The following SYT1 variants were observed in gnomAD, a reference collection of about 807,000 sequenced individuals.
SYT1 encodes the protein synaptotagmin 1.
In SYT1, 8 loss-of-function variants were observed where a neutral mutation model predicts 44.8. The ratio of observed to expected loss-of-function variants is 0.18; its 90% CI spans 0.10 to 0.32. The LOEUF (loss-of-function observed/expected upper bound fraction) is 0.32. SYT1 is among the 10% of genes least tolerant of loss of function. The pLI is 1.00. For synonymous variants in SYT1, 154 were observed against 188.8 expected (o/e 0.82, Z 1.51); for missense variants, 286 against 509.3 (o/e 0.56, Z 4.22).
intron 9 of SYT1, chr12:79,392,220 CA>C (rs1298322930): frequency 6.6e-6 from 1 of 151,940 alleles, no homozygotes; most frequent in African/African-American, 2.4e-5. Flanking sequence ...ATACTTTGGG[CA>C]ATTTGAAAGC....
intron 3 of SYT1, among the ~76,000 whole-genome samples, chr12:79,196,149 CTGT>C (rs58474358): frequency 0.31 from 37,235 of 118,516 alleles, 5,260 homozygotes; most frequent in East Asian, 0.6. Context: ...ATTTCTAATT[CTGT>C]TGTTGTTGTT....
intron 2 of SYT1, among the ~76,000 whole-genome samples, chr12:79,018,711 T>C (rs1214157441): frequency 6.6e-6 from 1 of 151,972 alleles, no homozygotes; most frequent in African/African-American, 2.4e-5. Context: ...GGAAGAAAAG[T>C]TGCTCCTTAT....
At chr12:79,385,387 G>T (rs1884397042) in intron 9 of SYT1, among the ~76,000 whole-genome samples, 1 of 152,166 alleles carries the variant, frequency 6.6e-6, no homozygotes, top group Non-Finnish European at 1.5e-5. Context: ...TACTGGAAAT[G>T]CATTCTTAGG....
chr12:79,341,881 G>A (rs558362533), intron 8 of SYT1, among the ~76,000 whole-genome samples: 8 of 151,836 alleles, frequency 5.3e-5, no homozygotes, highest in Non-Finnish European at 8.8e-5. Context: ...TGTTAGCCAG[G>A]ATGGTCTTGA....
intron 3 of SYT1, among the ~76,000 whole-genome samples, chr12:79,060,213 T>C (rs1032704362): frequency 1.3e-5 from 2 of 152,082 alleles, no homozygotes; most frequent in Non-Finnish European, 2.9e-5. Flanking sequence ...CTTACTTTTT[T>C]TCAGAAAAGT....
At chr12:78,883,028 A>G (rs1373134886) in intron 1 of SYT1, among the ~76,000 whole-genome samples, 2 of 151,734 alleles carry the variant, frequency 1.3e-5, no homozygotes, top group Non-Finnish European at 3.0e-5. Flanking sequence ...TTACTGAAAT[A>G]CAAGGTCATA....
intron 3 of SYT1, among the ~76,000 whole-genome samples, chr12:79,099,604 A>T (rs1319774492): frequency 6.6e-6 from 1 of 152,130 alleles, no homozygotes; most frequent in African/African-American, 2.4e-5. Context: ...ATCCTTAAAT[A>T]GCTTGTCATT....
At chr12:79,358,069 A>C (rs17005516) in intron 9 of SYT1, among the ~76,000 whole-genome samples, 7,231 of 152,218 alleles carry the variant, frequency 0.048, 321 homozygotes, top group African/African-American at 0.11. Flanking sequence ...GTGTCATAGC[A>C]ATCACTTTCC....
At position 79,179,035 on chromosome 12, in the gene SYT1, G is replaced by GAT. The variant is rs1555204709; in HGVS notation, c.-17-38464_-17-38463dup. ...ATATAGATATAGATATAGATATATA[G>GAT]ATATAGATATAGATATATAGATATA... On this transcript the variant is annotated intron_variant, in intron 3 of 10. Transcript: ENST00000261205. Among the ~76,000 whole-genome samples, 6 of 16,530 alleles carry GAT rather than the reference G, an allele frequency of 3.6e-4. 1 individual carries two copies. Among genetic ancestry groups the GAT allele is most frequent in the African/African-American group, 8.8e-4 (2 of 2,280 alleles). The allele number at this position is 16,530 out of a possible 152,430, so 10.8% of individuals were successfully genotyped here.
intron 3 of SYT1, among the ~76,000 whole-genome samples, chr12:79,216,968 T>A (rs1874845664): frequency 6.6e-6 from 1 of 152,078 alleles, no homozygotes; most frequent in Admixed American, 6.5e-5. Context: ...CAAGAACCAA[T>A]TACTGTAATA....
chr12:79,291,942 G>A, intron 5 of SYT1, 66 bp from the exon 6 acceptor site: 2 of 1,597,254 alleles, frequency 1.3e-6, no homozygotes, highest in Non-Finnish European at 1.7e-6. Flanking sequence ...GTAACTACAG[G>A]CCCAGTTCAA....
chr12:78,924,988 A>G (rs1877222024), intron 1 of SYT1, among the ~76,000 whole-genome samples: 1 of 151,884 alleles, frequency 6.6e-6, no homozygotes, highest in African/African-American at 2.4e-5. Context: ...AGGACTTGAA[A>G]TATTCATGAA....
chr12:78,919,423 G>A (rs2137156446), intron 1 of SYT1, among the ~76,000 whole-genome samples: 1 of 152,148 alleles, frequency 6.6e-6, no homozygotes, highest in Non-Finnish European at 1.5e-5. Context: ...GAATAGTCTG[G>A]CTACAACTCT....
chr12:79,167,142 C>T lies in SYT1; in HGVS notation c.-17-50361C>T, dbSNP rs574622034. On this transcript the variant is annotated intron_variant, in intron 3 of 10. Transcript: ENST00000261205. ...TATGTAGAAAGGATTGAGAATTGAA[C>T]TGAGTTCTTCTGTTGAATACTTACC... Among the ~76,000 whole-genome samples the T allele has an allele frequency of 1.3e-3, 204 of 152,072 alleles. 1 individual carries two copies. The highest frequency in any genetic ancestry group is 4.7e-3 in the African/African-American group (197 of 41,522).
At chr12:79,086,548 A>C (rs1877396328) in intron 3 of SYT1, among the ~76,000 whole-genome samples, 1 of 152,204 alleles carries the variant, frequency 6.6e-6, no homozygotes, top group Non-Finnish European at 1.5e-5. Flanking sequence ...TGGTTGAATC[A>C]TTCCTGGCTT....
In SYT1 at chr12:78,929,358, C is replaced by T. The variant is rs569980332; in HGVS notation, c.-216-48441C>T. Among the ~76,000 whole-genome samples, 255 of 123,586 alleles carry T rather than the reference C, an allele frequency of 2.1e-3. 1 individual carries two copies. Among genetic ancestry groups the T allele is most frequent in the African/African-American group, 7.4e-3 (243 of 32,888 alleles). 81.1% of individuals were successfully genotyped at this position (123,586 alleles called of 152,430 possible). ...CAGAGGTTTCAATGAGTGGAGATTG[C>T]GCCAGTGTACTCCAGCTCATCAGCC... On this transcript the variant is annotated intron_variant, in intron 1 of 10. Coordinates refer to ENST00000261205, the MANE Select transcript of SYT1 (RefSeq NM_005639.3).
chr12:78,962,958 C>T (rs1423203829), intron 1 of SYT1, among the ~76,000 whole-genome samples: 2 of 152,054 alleles, frequency 1.3e-5, no homozygotes, highest in Non-Finnish European at 2.9e-5. Flanking sequence ...TGAACAACTC[C>T]CCAGTTCCCC....
chr12:79,144,928 G>A (rs1043579436), intron 3 of SYT1, among the ~76,000 whole-genome samples: 4 of 152,136 alleles, frequency 2.6e-5, no homozygotes, highest in Admixed American at 2.0e-4. Flanking sequence ...CCTCAGTAAC[G>A]AAGAGTTTCA....
At chr12:78,940,228 C>T (rs1051949817) in intron 1 of SYT1, among the ~76,000 whole-genome samples, 3 of 151,852 alleles carry the variant, frequency 2.0e-5, no homozygotes, top group African/African-American at 7.3e-5. Context: ...ATTCTGTTCT[C>T]ATGGAAGATG....
Sources: gnomAD v4.1 joint callset for allele counts (sites outside exome capture counted in the v4.1 genomes callset) on GRCh38, gnomAD v4.1.1 for gene constraint, MANE v1.5 for transcripts, NCBI Gene and HGNC (gene_info 2026-07-23, HGNC 2026-07-21) for gene names.